The following MLLT10 variants were observed in gnomAD, a reference collection of about 807,000 sequenced individuals.
The protein encoded by MLLT10 is protein AF-10.
MLLT10 carries 30 observed loss-of-function variants against 129.1 expected under a neutral mutation model. The ratio of observed to expected loss-of-function variants is 0.23; its 90% CI spans 0.17 to 0.32. MLLT10 has a LOEUF of 0.32. Ranked by LOEUF, MLLT10 falls within the 10% of genes least tolerant of loss-of-function variation. The pLI is 1.00. For synonymous variants in MLLT10, 490 were observed against 446.4 expected (o/e 1.10, Z -1.23); for missense variants, 1,119 against 1,268.3 (o/e 0.88, Z 1.79).
rs114946142 is a variant in MLLT10, at chr10:21,561,054, C to T, written c.240+22142C>T. On this transcript the variant is annotated intron_variant, in intron 3 of 22. Transcript: ENST00000307729. ...TATCCCATTCTGTGTGTTGTCTTTT[C>T]GCTCTGTTGAGAGTCATGTCCTTTT... is the stretch of plus-strand genomic sequence containing the variant. 5.4e-3 allele frequency among the ~76,000 whole-genome samples: 823 copies of T among 152,182 alleles called. 5 individuals carry two copies. Among genetic ancestry groups the T allele is most frequent in the African/African-American group, 0.018 (766 of 41,524 alleles).
chr10:21,567,628 A>G (rs1221391998), intron 3 of MLLT10, among the ~76,000 whole-genome samples: 1 of 151,916 alleles, frequency 6.6e-6, no homozygotes, highest in Non-Finnish European at 1.5e-5. Flanking sequence ...GGAATCTTGG[A>G]TTGTTTTCAT....
intron 8 of MLLT10, among the ~76,000 whole-genome samples, chr10:21,619,565 A>G (rs1278210531): frequency 2.0e-5 from 3 of 152,354 alleles, no homozygotes; most frequent in African/African-American, 7.2e-5. Flanking sequence ...TGCTAGATTA[A>G]AAAACACGTT....
chr10:21,610,984 C>CTTTTTTTTTTTTTTTTTTTTTTTTTTT (rs71393913), intron 5 of MLLT10, among the ~76,000 whole-genome samples: 3 of 102,886 alleles, frequency 2.9e-5, no homozygotes, highest in Non-Finnish European at 5.8e-5. Flanking sequence ...TCTTTTTTCT[C>CTTTTTTTTTTTTTTTTTTTTTTTTTTT]TTTTTTTTTT....
chr10:21,540,219 A>G (rs530426441), intron 3 of MLLT10, among the ~76,000 whole-genome samples: 7 of 152,044 alleles, frequency 4.6e-5, no homozygotes, highest in African/African-American at 7.2e-5. Context: ...GGTGAAACCT[A>G]TCTCTGCTAA....
At chr10:21,603,392 T>C (rs1228735508) in intron 5 of MLLT10, among the ~76,000 whole-genome samples, 2 of 152,262 alleles carry the variant, frequency 1.3e-5, no homozygotes, top group Non-Finnish European at 2.9e-5. Context: ...ATGCCTGATA[T>C]AAAGAAGAGC....
At chr10:21,623,426 CTG>C (rs1455557046) in intron 8 of MLLT10, among the ~76,000 whole-genome samples, 5 of 152,314 alleles carry the variant, frequency 3.3e-5, no homozygotes, top group African/African-American at 1.2e-4. Flanking sequence ...TGCCAGGAAT[CTG>C]AGAATAAGAC....
At chr10:21,699,368 T>C (rs754204650) in intron 13 of MLLT10, among the ~76,000 whole-genome samples, 1 of 152,202 alleles carries the variant, frequency 6.6e-6, no homozygotes, top group Non-Finnish European at 1.5e-5. Flanking sequence ...TTATGTCTTT[T>C]GCTGTGCAGG....
Position 21,742,634 on chromosome 10 carries a change from T to C in MLLT10, c.*651T>C. ...ATTTTCTTTTGAGAATTGCTTTCTT[T>C]AGTGTTAAGACCTACTCATATTTTG... On this transcript the variant is annotated 3_prime_UTR_variant, in exon 23 of 23. Coordinates refer to ENST00000307729, the MANE Select transcript of MLLT10 (RefSeq NM_001195626.3). 4.5e-6 allele frequency: 1 copy of C among 222,280 alleles called. No individual in the cohort carries two copies. The highest frequency in any genetic ancestry group is 5.8e-5 in the Admixed American group (1 of 17,384). 13.8% of individuals were successfully genotyped at this position (222,280 alleles called of 1,614,324 possible).
intron 16 of MLLT10, 60 bp downstream of exon 16, chr10:21,727,988 T>C (rs955042507): frequency 2.2e-6 from 3 of 1,374,396 alleles, no homozygotes; most frequent in Middle Eastern, 3.6e-4. Flanking sequence ...TTGGAAACTT[T>C]CTTATCTCAT....
chr10:21,735,758 C>T (rs1182876150), intron 21 of MLLT10, among the ~76,000 whole-genome samples: 3 of 152,114 alleles, frequency 2.0e-5, no homozygotes, highest in African/African-American at 7.2e-5. Flanking sequence ...TGTCAAAGGT[C>T]TGGACGTACT....
intron 3 of MLLT10, among the ~76,000 whole-genome samples, chr10:21,585,843 C>T (rs560698340): frequency 1.5e-4 from 23 of 152,306 alleles, no homozygotes; most frequent in Middle Eastern, 6.8e-3. Flanking sequence ...CTCACCGCAA[C>T]CTGTACCTCC....
intron 3 of MLLT10, among the ~76,000 whole-genome samples, chr10:21,570,925 G>T (rs926852936): frequency 6.6e-6 from 1 of 151,828 alleles, no homozygotes; most frequent in African/African-American, 2.4e-5. Flanking sequence ...TTGTTTTCTA[G>T]TTTCTCTAGT....
chr10:21,695,580 TATA>T (rs1484297398), intron 13 of MLLT10, among the ~76,000 whole-genome samples: 3 of 152,320 alleles, frequency 2.0e-5, no homozygotes, highest in Admixed American at 6.5e-5. Flanking sequence ...ATATTTATCT[TATA>T]ATATTTATTT....
rs749457074 is a variant in MLLT10 at position 21,617,132 on chromosome 10, T to A, written c.624T>A (p.Ser208=). The stretch of plus-strand genomic sequence containing the variant: ...TTTAGAAAAAGAGCAAACGGGGATC[T>A]AATAGGTCATATGATCAAAGTTTAA... ...FSKLKKSKRG[S]NRSYDQSLSD... The change falls in exon 8 of 23, where the codon TCT becomes TCA. Residue 208 remains serine, a synonymous_variant. Coordinates refer to ENST00000307729, the MANE Select transcript of MLLT10 (RefSeq NM_001195626.3). 2.0e-6 allele frequency: 3 copies of A among 1,525,588 alleles called. No individual in the cohort carries two copies. The South Asian group carries it at 4.2e-5, about 21-fold the overall frequency. 94.5% of individuals were successfully genotyped at this position (1,525,588 alleles called of 1,614,324 possible).
At chr10:21,642,808 A>G (rs2048145217) in intron 8 of MLLT10, among the ~76,000 whole-genome samples, 1 of 152,238 alleles carries the variant, frequency 6.6e-6, no homozygotes, top group Non-Finnish European at 1.5e-5. Context: ...GCTGGGGAAT[A>G]GATACACTTT....
chr10:21,667,991 A>G (rs1312463997), intron 9 of MLLT10, among the ~76,000 whole-genome samples: 3 of 152,172 alleles, frequency 2.0e-5, no homozygotes, highest in African/African-American at 7.2e-5. Context: ...GTAAATCACA[A>G]TGTAGAACAA....
intron 14 of MLLT10, 62 bp from the exon 15 acceptor site, chr10:21,726,182 G>C (rs373293163): frequency 1.8e-6 from 2 of 1,115,280 alleles, no homozygotes; most frequent in East Asian, 2.5e-5. Flanking sequence ...TCTATTAGAA[G>C]GGAAAACTTT....
At chr10:21,737,801 G>A (rs1367901361) in intron 21 of MLLT10, among the ~76,000 whole-genome samples, 1 of 152,106 alleles carries the variant, frequency 6.6e-6, no homozygotes, top group Non-Finnish European at 1.5e-5. Flanking sequence ...GGGCTGCTTG[G>A]AGAATGCATT....
rs2053673937 is a variant in MLLT10 at position 21,689,697 on chromosome 10, CTGATATT to C, written c.1699+7447_1699+7453del. The stretch of plus-strand genomic sequence containing the variant: ...CTTGGCATGTTTTACCTCCAAGATA[CTGATATT>C]TGATATGAAAAATAACAACATTAGC... On this transcript the variant is annotated intron_variant, in intron 13 of 22. Coordinates refer to ENST00000307729, the MANE Select transcript of MLLT10 (RefSeq NM_001195626.3). Among the ~76,000 whole-genome samples the C allele has an allele frequency of 2.1e-5, 3 of 143,992 alleles. No individual in the cohort carries two copies. In the Admixed American group the frequency reaches 2.1e-4, roughly 10 times the overall value. 94.5% of individuals were successfully genotyped at this position (143,992 alleles called of 152,430 possible).
Sources: allele counts gnomAD v4.1 joint callset (sites outside exome capture counted in the v4.1 genomes callset), GRCh38; gene constraint gnomAD v4.1.1; transcripts MANE v1.5; gene names NCBI Gene and HGNC (gene_info 2026-07-23, HGNC 2026-07-21).